ATXN7: variants seen among roughly 807,000 people sequenced by gnomAD.
The protein encoded by ATXN7 is ataxin-7.
ATXN7 carries 12 observed loss-of-function variants against 70.5 expected under a neutral mutation model. That is an observed-to-expected ratio of 0.17 (90% confidence interval 0.11 to 0.28). ATXN7 has a LOEUF of 0.28. ATXN7 is among the 10% of genes least tolerant of loss of function. ATXN7 has a pLI of 1.00. For synonymous variants in ATXN7, 498 were observed against 448.7 expected (o/e 1.11, Z -1.39); for missense variants, 1,256 against 1,131.7 (o/e 1.11, Z -1.58).
At position 64,001,001 on chromosome 3, in the gene ATXN7, C is replaced by G. The variant is rs1384890325; in HGVS notation, c.*1534C>G. Reference sequence around the variant, plus strand: ...AGGGTAAAATTTCCAAGGCGCTGATCGTTGCCCTGGCCAGGGCCTGATGAG... The same window carrying G: ...AGGGTAAAATTTCCAAGGCGCTGATGGTTGCCCTGGCCAGGGCCTGATGAG... On this transcript the variant is annotated 3_prime_UTR_variant, in exon 13 of 13. Transcript: ENST00000674280. The G allele has an allele frequency of 1.3e-5, 2 of 152,122 alleles. No individual in the cohort carries two copies. Among genetic ancestry groups the G allele is most frequent in the Middle Eastern group, 3.4e-3 (1 of 294 alleles). 9.4% of individuals were successfully genotyped at this position (152,122 alleles called of 1,614,324 possible). A position where few individuals can be genotyped will look rare whatever the true frequency, so the allele number is the denominator to read the frequency against.
intron 5 of ATXN7, among the ~76,000 whole-genome samples, chr3:63,977,860 A>T (rs72885736): frequency 0.065 from 9,931 of 152,312 alleles, 601 homozygotes; most frequent in African/African-American, 0.16. Flanking sequence ...GAATTGATAA[A>T]GTAAATTAAA....
At chr3:63,902,755 G>A (rs1350131514) in intron 2 of ATXN7, among the ~76,000 whole-genome samples, 1 of 152,042 alleles carries the variant, frequency 6.6e-6, no homozygotes. Context: ...GTGACTTGTA[G>A]TTTTATCAGT....
At chr3:63,973,334 G>A (rs765932512) in intron 5 of ATXN7, among the ~76,000 whole-genome samples, 4 of 152,154 alleles carry the variant, frequency 2.6e-5, no homozygotes, top group Admixed American at 1.3e-4. Flanking sequence ...AGAGTGACTC[G>A]AAGCATGCAT....
At chr3:63,962,989 C>T (rs2075157163) in intron 5 of ATXN7, among the ~76,000 whole-genome samples, 2 of 149,414 alleles carry the variant, frequency 1.3e-5, no homozygotes, top group Non-Finnish European at 3.0e-5. Context: ...GATCTTGGCT[C>T]ACTGTAACCC....
chr3:63,880,182 G>A (rs1702869156), intron 1 of ATXN7, among the ~76,000 whole-genome samples: 1 of 152,090 alleles, frequency 6.6e-6, no homozygotes, highest in Admixed American at 6.6e-5. Context: ...ATGGGAAGAT[G>A]AATATTTACT....
intron 4 of ATXN7, among the ~76,000 whole-genome samples, chr3:63,923,446 A>G (rs183081976): frequency 1.3e-5 from 2 of 152,332 alleles, no homozygotes; most frequent in East Asian, 3.9e-4. Flanking sequence ...GGGGATTCTA[A>G]CTAACATGAT....
At chr3:63,959,709 T>C (rs1288279175) in intron 5 of ATXN7, among the ~76,000 whole-genome samples, 1 of 152,204 alleles carries the variant, frequency 6.6e-6, no homozygotes, top group Non-Finnish European at 1.5e-5. Context: ...TAAGCAAATA[T>C]CTTTAAAATA....
chr3:63,952,711 G>C (rs2074974690), intron 5 of ATXN7, among the ~76,000 whole-genome samples: 1 of 151,676 alleles, frequency 6.6e-6, no homozygotes, highest in African/African-American at 2.4e-5. Context: ...AGAAAGTATA[G>C]TTTATAAAAT....
At chr3:63,888,394 G>A (rs1042227218) in intron 1 of ATXN7, among the ~76,000 whole-genome samples, 2 of 152,032 alleles carry the variant, frequency 1.3e-5, no homozygotes, top group Non-Finnish European at 2.9e-5. Flanking sequence ...ATTGACATTG[G>A]CTTAAAGTAC....
intron 5 of ATXN7, among the ~76,000 whole-genome samples, chr3:63,964,969 T>C (rs1351992813): frequency 6.6e-6 from 1 of 152,146 alleles, no homozygotes; most frequent in Non-Finnish European, 1.5e-5. Flanking sequence ...TCCTGTAAAA[T>C]GGAGAACTGG....
At chr3:63,881,285 G>A (rs1290444732) in intron 1 of ATXN7, among the ~76,000 whole-genome samples, 2 of 152,144 alleles carry the variant, frequency 1.3e-5, no homozygotes, top group Admixed American at 6.5e-5. Flanking sequence ...TGCTGAGGTT[G>A]AGGAGGGAGT....
chr3:63,936,968 G>A (rs1365527750), intron 4 of ATXN7, among the ~76,000 whole-genome samples: 2 of 152,132 alleles, frequency 1.3e-5, no homozygotes, highest in African/African-American at 4.8e-5. Flanking sequence ...ATTTGTAAGT[G>A]TTCTACAACT....
chr3:63,986,950 T>G (rs914336101), intron 8 of ATXN7, among the ~76,000 whole-genome samples: 5 of 152,190 alleles, frequency 3.3e-5, no homozygotes, highest in African/African-American at 7.2e-5. Context: ...TCATTTATGT[T>G]TATGGATATG....
chr3:63,899,235 G>A (rs1703539674), intron 2 of ATXN7, among the ~76,000 whole-genome samples: 2 of 151,828 alleles, frequency 1.3e-5, no homozygotes, highest in Non-Finnish European at 2.9e-5. Context: ...GCTAATTTTT[G>A]TATTTTAGTA....
intron 11 of ATXN7, among the ~76,000 whole-genome samples, chr3:63,994,146 A>G (rs990497937): frequency 1.3e-5 from 2 of 152,232 alleles, no homozygotes; most frequent in African/African-American, 4.8e-5. Flanking sequence ...TAAGCTCCAC[A>G]GGTGACTGTA....
At chr3:63,949,603 G>A (rs2074921092) in intron 4 of ATXN7, among the ~76,000 whole-genome samples, 1 of 152,062 alleles carries the variant, frequency 6.6e-6, no homozygotes, top group African/African-American at 2.4e-5. Context: ...TTACTATGTT[G>A]GCCATGCTGG....
chr3:63,998,316 C>A (rs1285353681), intron 12 of ATXN7: 1 of 985,058 alleles, frequency 1.0e-6, no homozygotes, highest in Non-Finnish European at 1.2e-6. Flanking sequence ...GGCTGCAGAT[C>A]TGGACTTGCA....
In ATXN7 at chr3:63,980,818, G is replaced by A. The variant is rs575344224; in HGVS notation, c.752+651G>A. On this transcript the variant is annotated intron_variant, in intron 6 of 12. Coordinates refer to ENST00000674280, the MANE Select transcript of ATXN7 (RefSeq NM_001377405.1). Reference sequence around the variant, plus strand: ...TGCTGTAGAATTTTTGGGGGTCTACGGAGCAAATAGGGAAGCAGTGCTTCC... The same window carrying A: ...TGCTGTAGAATTTTTGGGGGTCTACAGAGCAAATAGGGAAGCAGTGCTTCC... 6.6e-5 allele frequency among the ~76,000 whole-genome samples: 10 copies of A among 152,264 alleles called. No homozygotes were observed. In the East Asian group the frequency reaches 9.7e-4, roughly 15 times the overall value.
In ATXN7 at chr3:63,884,132, G is replaced by T. The variant is rs1005020401; in HGVS notation, c.-110-14267G>T. ...ATTCTCCATTAAAAGGAGATTCTGT[G>T]CCTGAGACAGGGAATAAACAATATG... On this transcript the variant is annotated intron_variant, in intron 1 of 12. Transcript: ENST00000674280. Among the ~76,000 whole-genome samples, 3 of 152,060 alleles carry T rather than the reference G, an allele frequency of 2.0e-5. No homozygotes were observed. In the East Asian group the frequency reaches 5.8e-4, roughly 29 times the overall value.
Sources: allele counts gnomAD v4.1 joint callset (sites outside exome capture counted in the v4.1 genomes callset), GRCh38; gene constraint gnomAD v4.1.1; transcripts MANE v1.5; gene names NCBI Gene and HGNC (gene_info 2026-07-23, HGNC 2026-07-21).